The following TAOK3 variants were observed in gnomAD, a reference collection of about 807,000 sequenced individuals.
TAOK3 encodes serine/threonine-protein kinase TAO3.
TAOK3 carries 40 observed loss-of-function variants against 120.4 expected under a neutral mutation model. That is an observed-to-expected ratio of 0.33 (90% confidence interval 0.26 to 0.43). The LOEUF (loss-of-function observed/expected upper bound fraction) is 0.43, where lower values mean the gene tolerates loss of function less well. Ranked by LOEUF, TAOK3 falls within the 20% of genes least tolerant of loss-of-function variation. The probability of loss-of-function intolerance (pLI) is 1.00; values close to 1 mark genes in which losing one functional copy is unlikely to be tolerated. For synonymous variants in TAOK3, 355 were observed against 387.5 expected (o/e 0.92, Z 0.99); for missense variants, 821 against 1,112.1 (o/e 0.74, Z 3.72).
intron 1 of TAOK3, among the ~76,000 whole-genome samples, chr12:118,301,548 A>G (rs1418982331): frequency 6.6e-6 from 1 of 152,170 alleles, no homozygotes; most frequent in African/African-American, 2.4e-5. Flanking sequence ...AGTAATGGTC[A>G]AAATATTCAA....
In TAOK3 at chr12:118,157,234, C is replaced by T. The variant is rs187606157; in HGVS notation, c.2352+2912G>A. Among the ~76,000 whole-genome samples, 14 of 152,282 alleles carry T rather than the reference C, an allele frequency of 9.2e-5. No homozygotes were observed. The East Asian group carries it at 1.5e-3, about 17-fold the overall frequency. The stretch of plus-strand genomic sequence containing the variant: ...CCCAGGTAAAAGTCACTTCACAAAT[C>T]ATCTCCTAATATCCATTCTTCCCAT... On this transcript the variant is annotated intron_variant, in intron 19 of 20. Coordinates refer to ENST00000392533, the MANE Select transcript of TAOK3 (RefSeq NM_016281.4).
At chr12:118,194,161 T>C (rs1249484835) in intron 13 of TAOK3, among the ~76,000 whole-genome samples, 1 of 152,188 alleles carries the variant, frequency 6.6e-6, no homozygotes, top group African/African-American at 2.4e-5. Flanking sequence ...CGGGGGGATG[T>C]ATCTAAAAAT....
chr12:118,154,522 C>T (rs555962184), intron 19 of TAOK3, among the ~76,000 whole-genome samples: 2 of 152,302 alleles, frequency 1.3e-5, no homozygotes, highest in South Asian at 4.1e-4. Context: ...TCACTGCAAC[C>T]TCCTTCTCCC....
intron 13 of TAOK3, 71 bp downstream of exon 13, chr12:118,198,980 G>T: frequency 6.5e-7 from 1 of 1,545,440 alleles, no homozygotes; most frequent in Non-Finnish European, 8.9e-7. Context: ...ACATCTGGAA[G>T]CTAAGTGACT....
intron 1 of TAOK3, among the ~76,000 whole-genome samples, chr12:118,335,184 CAAAAAAA>C (rs199691925): frequency 1.1e-5 from 1 of 92,566 alleles, no homozygotes; most frequent in Non-Finnish European, 2.2e-5. Flanking sequence ...AACTATGTCT[CAAAAAAA>C]AAAAAAAAAA....
At chr12:118,351,650 C>T (rs543568282) in intron 1 of TAOK3, among the ~76,000 whole-genome samples, 8 of 151,866 alleles carry the variant, frequency 5.3e-5, no homozygotes, top group Non-Finnish European at 1.0e-4. Flanking sequence ...ATTATAACAC[C>T]CAATTGAAGT....
intron 1 of TAOK3, among the ~76,000 whole-genome samples, chr12:118,284,713 G>A (rs2042205956): frequency 2.6e-5 from 4 of 152,096 alleles, no homozygotes; most frequent in Admixed American, 2.6e-4. Context: ...AGGTAGACAG[G>A]AAGCTCAAGA....
intron 9 of TAOK3, among the ~76,000 whole-genome samples, chr12:118,231,120 T>C (rs982292574): frequency 2.0e-5 from 3 of 152,116 alleles, no homozygotes; most frequent in African/African-American, 7.2e-5. Context: ...TTACCTTGGG[T>C]GTGAAAACGA....
intron 14 of TAOK3, among the ~76,000 whole-genome samples, chr12:118,181,955 C>A (rs967971507): frequency 1.3e-5 from 2 of 152,186 alleles, no homozygotes; most frequent in Non-Finnish European, 2.9e-5. Flanking sequence ...GAGGCTGAGG[C>A]AGGCAGACCA....
At chr12:118,250,081 G>A (rs1457295609) in intron 3 of TAOK3, among the ~76,000 whole-genome samples, 1 of 151,724 alleles carries the variant, frequency 6.6e-6, no homozygotes, top group African/African-American at 2.4e-5. Context: ...CTTTAGTACA[G>A]TTTCTTACTA....
chr12:118,265,582 C>A (rs1042010825), intron 2 of TAOK3, among the ~76,000 whole-genome samples: 14 of 151,986 alleles, frequency 9.2e-5, no homozygotes. Context: ...TAATATAACA[C>A]CTCATTTCAC....
At chr12:118,171,142 A>G (rs2035971987) in intron 17 of TAOK3, among the ~76,000 whole-genome samples, 1 of 152,222 alleles carries the variant, frequency 6.6e-6, no homozygotes, top group Non-Finnish European at 1.5e-5. Context: ...AGAAACTTGG[A>G]AGTCACTTCT....
intron 2 of TAOK3, among the ~76,000 whole-genome samples, chr12:118,261,333 T>G (rs2041219528): frequency 6.6e-6 from 1 of 152,142 alleles, no homozygotes; most frequent in South Asian, 2.1e-4. Flanking sequence ...AGAAGGTCCA[T>G]GAACCTCAAG....
At chr12:118,181,082 T>C (rs1486049296) in intron 15 of TAOK3, among the ~76,000 whole-genome samples, 3 of 151,756 alleles carry the variant, frequency 2.0e-5, no homozygotes, top group Admixed American at 2.0e-4. Flanking sequence ...TGACCTCAGG[T>C]GATCTGCCTG....
At chr12:118,265,087 T>C (rs2041386209) in intron 2 of TAOK3, among the ~76,000 whole-genome samples, 1 of 151,792 alleles carries the variant, frequency 6.6e-6, no homozygotes, top group East Asian at 1.9e-4. Context: ...TGCAAAATAT[T>C]TGCCAGTTAA....
chr12:118,230,711 C>A (rs934751167), intron 9 of TAOK3, among the ~76,000 whole-genome samples: 1 of 151,906 alleles, frequency 6.6e-6, no homozygotes, highest in Non-Finnish European at 1.5e-5. Flanking sequence ...CCTCGTGATC[C>A]GCCCGCCTCG....
At chr12:118,357,553 G>A (rs1036293396) in intron 1 of TAOK3, among the ~76,000 whole-genome samples, 1 of 152,178 alleles carries the variant, frequency 6.6e-6, no homozygotes, top group East Asian at 1.9e-4. Flanking sequence ...CAAGCAAACA[G>A]TTATAAGTGG....
rs765355303 is a variant in TAOK3 at position 118,266,757 on chromosome 12, A to C, written c.-191T>G. On this transcript the variant is annotated splice_region_variant and 5_prime_UTR_variant, in exon 2 of 21. Coordinates refer to ENST00000392533, the MANE Select transcript of TAOK3 (RefSeq NM_016281.4). ...CTTCAGTCCTTTGTATTTATGATGC[A>C]ACCTATAGAAAAAGAAGAACAAAAT... 235 of 397,244 alleles carry C rather than the reference A, an allele frequency of 5.9e-4. No individual in the cohort carries two copies. Among genetic ancestry groups the C allele is most frequent in the Non-Finnish European group, 8.9e-4 (200 of 225,278 alleles). 24.6% of individuals were successfully genotyped at this position (397,244 alleles called of 1,614,324 possible).
At chr12:118,315,575 A>T (rs1452441641) in intron 1 of TAOK3, among the ~76,000 whole-genome samples, 1 of 152,192 alleles carries the variant, frequency 6.6e-6, no homozygotes, top group South Asian at 2.1e-4. Context: ...GGAAAGAAGT[A>T]CAAAGGAGAC....
Sources: allele counts gnomAD v4.1 joint callset (sites outside exome capture counted in the v4.1 genomes callset), GRCh38; gene constraint gnomAD v4.1.1; transcripts MANE v1.5; gene names NCBI Gene and HGNC (gene_info 2026-07-23, HGNC 2026-07-21).